EDIL3: variants seen among roughly 807,000 people sequenced by gnomAD.
EDIL3 encodes EGF-like repeat and discoidin I-like domain-containing protein 3.
In EDIL3, 37 loss-of-function variants were observed where a neutral mutation model predicts 67.4. That is an observed-to-expected ratio of 0.55 (90% confidence interval 0.42 to 0.72). EDIL3 has a LOEUF of 0.72. EDIL3 is among the 30% of genes least tolerant of loss of function. The pLI, the probability that EDIL3 is intolerant of heterozygous loss-of-function variation, is 0.00. For synonymous variants in EDIL3, 195 were observed against 196.3 expected, an observed-to-expected ratio of 0.99 and a Z score of 0.05; for missense variants, 527 against 586.3, an observed-to-expected ratio of 0.90 and a Z score of 1.04.
intron 3 of EDIL3, among the ~76,000 whole-genome samples, chr5:84,198,612 T>C (rs866829674): frequency 1.9e-4 from 29 of 152,254 alleles, no homozygotes; most frequent in South Asian, 4.1e-4. Flanking sequence ...GATGCCTTGT[T>C]TGTCTACCAC....
chr5:84,012,786 T>G (rs538997825), intron 9 of EDIL3, among the ~76,000 whole-genome samples: 1 of 152,066 alleles, frequency 6.6e-6, no homozygotes, highest in Admixed American at 6.6e-5. Flanking sequence ...AAAGAGATGA[T>G]AAAGGAATCA....
chr5:84,176,788 T>C (rs576739975), intron 4 of EDIL3, among the ~76,000 whole-genome samples: 1 of 147,728 alleles, frequency 6.8e-6, no homozygotes, highest in South Asian at 2.2e-4. Context: ...TGTGAGCGCA[T>C]GCGTGTGTTT....
intron 1 of EDIL3, among the ~76,000 whole-genome samples, chr5:84,310,114 A>C (rs934507174): frequency 1.3e-5 from 2 of 152,168 alleles, no homozygotes; most frequent in Non-Finnish European, 2.9e-5. Flanking sequence ...TGACAAAGCT[A>C]CCACACATCT....
chr5:84,057,454 C>T (rs566414682), intron 9 of EDIL3, among the ~76,000 whole-genome samples: 12 of 152,012 alleles, frequency 7.9e-5, no homozygotes, highest in South Asian at 4.2e-4. Flanking sequence ...ATAACATTAG[C>T]GATACGCAGC....
intron 1 of EDIL3, among the ~76,000 whole-genome samples, chr5:84,379,207 C>A (rs547771888): frequency 2.4e-4 from 37 of 152,278 alleles, no homozygotes; most frequent in African/African-American, 8.7e-4. Flanking sequence ...AGGGCTACAT[C>A]AGCAGATGCT....
intron 1 of EDIL3, among the ~76,000 whole-genome samples, chr5:84,270,840 C>T (rs901717146): frequency 6.6e-6 from 1 of 152,080 alleles, no homozygotes; most frequent in East Asian, 1.9e-4. Context: ...GTGGAGAAGG[C>T]AGACATGAAA....
intron 1 of EDIL3, among the ~76,000 whole-genome samples, chr5:84,382,982 CA>C (rs141748307): frequency 1.9e-3 from 283 of 152,216 alleles, no homozygotes; most frequent in African/African-American, 6.5e-3. Flanking sequence ...AACAGTCGCC[CA>C]AGAGTCCACA....
At chr5:84,085,064 T>G (rs72774788) in intron 6 of EDIL3, among the ~76,000 whole-genome samples, 10,112 of 152,302 alleles carry the variant, frequency 0.066, 467 homozygotes, top group Middle Eastern at 0.13. Flanking sequence ...TCTTAGGATT[T>G]GGGATTTATA....
intron 1 of EDIL3, among the ~76,000 whole-genome samples, chr5:84,291,806 T>C (rs1290933831): frequency 1.4e-5 from 2 of 147,782 alleles, no homozygotes; most frequent in Non-Finnish European, 3.0e-5. Flanking sequence ...CACATATATA[T>C]ACACACACAT....
intron 9 of EDIL3, among the ~76,000 whole-genome samples, chr5:84,033,617 T>C (rs2112205334): frequency 6.8e-6 from 1 of 147,850 alleles, no homozygotes; most frequent in East Asian, 2.0e-4. Context: ...GGTGGGAGGA[T>C]GGTCTGGACC....
chr5:84,193,914 T>C (rs1028467758), intron 3 of EDIL3, among the ~76,000 whole-genome samples: 1 of 151,990 alleles, frequency 6.6e-6, no homozygotes, highest in Non-Finnish European at 1.5e-5. Flanking sequence ...GCAAAGTGTT[T>C]TAGGAAAAAC....
At chr5:83,968,120 T>G (rs1445733128) in intron 9 of EDIL3, among the ~76,000 whole-genome samples, 1 of 152,110 alleles carries the variant, frequency 6.6e-6, no homozygotes, top group Non-Finnish European at 1.5e-5. Flanking sequence ...CAGTTATATT[T>G]AAGGCACATA....
rs547151204 is a variant in EDIL3 at position 84,382,099 on chromosome 5, A to G, written c.67+2209T>C. Among the ~76,000 whole-genome samples the G allele has an allele frequency of 3.8e-4, 58 of 152,360 alleles. 2 individuals carry two copies. In the South Asian group the frequency reaches 8.7e-3, roughly 23 times the overall value. ...CTGCAGAGGTGAGGGAGAAAAAATT[A>G]GAGAGGTGCAAGTTTTAACAGAAAG... is the stretch of plus-strand genomic sequence containing the variant. On this transcript the variant is annotated intron_variant, in intron 1 of 10. Coordinates refer to ENST00000296591, the MANE Select transcript of EDIL3 (RefSeq NM_005711.5).
chr5:83,969,163 C>T (rs1744748325), intron 9 of EDIL3, among the ~76,000 whole-genome samples: 1 of 151,452 alleles, frequency 6.6e-6, no homozygotes, highest in Non-Finnish European at 1.5e-5. Context: ...TTTATATTGT[C>T]TATTTTCAAT....
At chr5:83,988,500 C>T (rs1745093982) in intron 9 of EDIL3, among the ~76,000 whole-genome samples, 1 of 152,050 alleles carries the variant, frequency 6.6e-6, no homozygotes, top group Non-Finnish European at 1.5e-5. Flanking sequence ...CTGTTCTAGC[C>T]AGGAATGGAG....
chr5:84,263,526 C>T (rs1186596884), intron 1 of EDIL3, among the ~76,000 whole-genome samples: 3 of 152,084 alleles, frequency 2.0e-5, no homozygotes, highest in East Asian at 3.9e-4. Context: ...TTAAGAAAAT[C>T]GCACGGGGCA....
At chr5:84,062,870 G>C (rs1474103197) in intron 8 of EDIL3, among the ~76,000 whole-genome samples, 2 of 152,032 alleles carry the variant, frequency 1.3e-5, no homozygotes, top group Non-Finnish European at 2.9e-5. Flanking sequence ...ATGATTTCAA[G>C]CATATAAATT....
At chr5:84,009,965 C>T (rs1481816700) in intron 9 of EDIL3, among the ~76,000 whole-genome samples, 1 of 152,206 alleles carries the variant, frequency 6.6e-6, no homozygotes, top group African/African-American at 2.4e-5. Flanking sequence ...TTGGTAATGA[C>T]TCGATAGAGC....
At chr5:84,079,402 T>C (rs1746922770) in intron 6 of EDIL3, among the ~76,000 whole-genome samples, 1 of 151,978 alleles carries the variant, frequency 6.6e-6, no homozygotes, top group South Asian at 2.1e-4. Context: ...GCCTTTAACC[T>C]ATGGCGTGTG....
Sources: gnomAD v4.1 joint callset for allele counts (sites outside exome capture counted in the v4.1 genomes callset) on GRCh38, gnomAD v4.1.1 for gene constraint, MANE v1.5 for transcripts, NCBI Gene and HGNC (gene_info 2026-07-23, HGNC 2026-07-21) for gene names.